NRXN1: variants seen among roughly 807,000 people sequenced by gnomAD.
The protein encoded by NRXN1 is neurexin 1.
NRXN1 carries 39 observed loss-of-function variants against 150.9 expected under a neutral mutation model. That is an observed-to-expected ratio of 0.26 (90% CI 0.20 to 0.34). NRXN1 has a LOEUF of 0.34. NRXN1 is among the 10% of genes least tolerant of loss of function. The pLI is 1.00. For synonymous variants in NRXN1, 924 were observed against 757.0 expected, an observed-to-expected ratio of 1.22 and a Z score of -3.62; for missense variants, 1,815 against 1,949.9, an observed-to-expected ratio of 0.93 and a Z score of 1.30.
intron 17 of NRXN1, among the ~76,000 whole-genome samples, chr2:50,265,012 T>C (rs565911072): frequency 6.6e-6 from 1 of 152,088 alleles, no homozygotes; most frequent in Non-Finnish European, 1.5e-5. Context: ...AAAGCATTAA[T>C]TACATGTAGA....
At chr2:50,068,089 G>C (rs1695636994) in intron 19 of NRXN1, among the ~76,000 whole-genome samples, 1 of 152,134 alleles carries the variant, frequency 6.6e-6, no homozygotes, top group African/African-American at 2.4e-5. Flanking sequence ...AAGTGGAAAA[G>C]AAAAGTCTGA....
chr2:50,585,620 A>G (rs750292209), intron 8 of NRXN1, among the ~76,000 whole-genome samples: 10 of 152,228 alleles, frequency 6.6e-5, no homozygotes, highest in Admixed American at 1.3e-4. Context: ...ATACTTGGCA[A>G]AGTCAATGCA....
chr2:50,747,317 G>A (rs1376180570), intron 5 of NRXN1, among the ~76,000 whole-genome samples: 1 of 152,092 alleles, frequency 6.6e-6, no homozygotes, highest in Non-Finnish European at 1.5e-5. Context: ...GGAATGAGGA[G>A]ATCAGACAAA....
chr2:50,808,139 G>A (rs1667746278), intron 5 of NRXN1, among the ~76,000 whole-genome samples: 1 of 152,022 alleles, frequency 6.6e-6, no homozygotes, highest in African/African-American at 2.4e-5. Flanking sequence ...GATTCTCCAT[G>A]TCAGTTAGTG....
chr2:50,034,690 T>G (rs964794371), intron 21 of NRXN1, among the ~76,000 whole-genome samples: 1 of 152,058 alleles, frequency 6.6e-6, no homozygotes, highest in Non-Finnish European at 1.5e-5. Flanking sequence ...GTAGGTGTTT[T>G]ACAAATATAT....
chr2:50,203,677 G>T (rs1483286061), intron 18 of NRXN1, among the ~76,000 whole-genome samples: 1 of 152,128 alleles, frequency 6.6e-6, no homozygotes, highest in Non-Finnish European at 1.5e-5. Flanking sequence ...TTAACTCTGT[G>T]TCTCAGCTTT....
At chr2:50,247,463 G>A (rs1160150822) in intron 17 of NRXN1, among the ~76,000 whole-genome samples, 1 of 152,092 alleles carries the variant, frequency 6.6e-6, no homozygotes, top group Non-Finnish European at 1.5e-5. Context: ...CCAGTAATGA[G>A]ACATATCAAA....
rs1409209342 is a variant in NRXN1, at chr2:49,936,816, GTACACACACA to G, written c.4216+6878_4216+6887del. On this transcript the variant is annotated intron_variant, in intron 22 of 22. Coordinates refer to ENST00000401669, the MANE Select transcript of NRXN1 (RefSeq NM_001330078.2). ...CTAAAAAACAAAACAAAAAACATAT[GTACACACACA>G]CACACACACACACACATATGAAATA... is the stretch of plus-strand genomic sequence containing the variant. Among the ~76,000 whole-genome samples, 6 of 149,976 alleles carry G rather than the reference GTACACACACA, an allele frequency of 4.0e-5. No individual in the cohort carries two copies. In the East Asian group the frequency reaches 1.2e-3, roughly 30 times the overall value.
Position 50,748,744 on chromosome 2 carries a change from C to T in NRXN1, c.833-125129G>A, listed in dbSNP as rs900335086. Among the ~76,000 whole-genome samples the T allele has an allele frequency of 2.0e-5, 3 of 152,048 alleles. No individual in the cohort carries two copies. In the South Asian group the frequency reaches 6.2e-4, roughly 32 times the overall value. ...CTTAAAACTGGAGTCCCAACTGCCA[C>T]TGACAACTATAAATTCCTGTAGGGC... On this transcript the variant is annotated intron_variant, in intron 5 of 22. Coordinates refer to ENST00000401669, the MANE Select transcript of NRXN1 (RefSeq NM_001330078.2).
intron 18 of NRXN1, among the ~76,000 whole-genome samples, chr2:50,195,986 T>C (rs1324524738): frequency 1.3e-5 from 2 of 152,194 alleles, no homozygotes; most frequent in East Asian, 3.9e-4. Flanking sequence ...TTATTTTAAG[T>C]TCTGGGGTAC....
chr2:50,580,862 C>G (rs879729150), intron 8 of NRXN1, among the ~76,000 whole-genome samples: 2 of 152,016 alleles, frequency 1.3e-5, no homozygotes, highest in South Asian at 4.1e-4. Flanking sequence ...TAAATACATA[C>G]TAATGAAAAT....
intron 5 of NRXN1, among the ~76,000 whole-genome samples, chr2:50,903,315 T>C (rs897131098): frequency 6.6e-6 from 1 of 152,174 alleles, no homozygotes; most frequent in East Asian, 1.9e-4. Flanking sequence ...TTGACCAAAA[T>C]GACTTTTCTT....
At chr2:50,315,633 T>G (rs1475940946) in intron 17 of NRXN1, among the ~76,000 whole-genome samples, 2 of 152,154 alleles carry the variant, frequency 1.3e-5, no homozygotes, top group Admixed American at 6.6e-5. Flanking sequence ...AAGCATCTAC[T>G]TGTAAGCTCA....
intron 2 of NRXN1, among the ~76,000 whole-genome samples, chr2:51,021,285 A>G (rs771212098): frequency 2.6e-5 from 4 of 151,978 alleles, no homozygotes; most frequent in Non-Finnish European, 4.4e-5. Flanking sequence ...CTGAATATCT[A>G]TTGTAAGGCC....
At chr2:50,945,864 C>A (rs1295873632) in intron 2 of NRXN1, among the ~76,000 whole-genome samples, 1 of 139,602 alleles carries the variant, frequency 7.2e-6, no homozygotes, top group Non-Finnish European at 1.5e-5. Context: ...TATGAAAGTA[C>A]TTCAGAAAAA....
intron 5 of NRXN1, among the ~76,000 whole-genome samples, chr2:50,877,339 C>T (rs935087677): frequency 1.3e-5 from 2 of 151,834 alleles, no homozygotes; most frequent in African/African-American, 4.8e-5. Context: ...AGTCTCAGTG[C>T]TTCACAGGCT....
chr2:50,805,053 C>A (rs1466580206), intron 5 of NRXN1, among the ~76,000 whole-genome samples: 1 of 152,122 alleles, frequency 6.6e-6, no homozygotes, highest in East Asian at 1.9e-4. Context: ...TCAAGTAGTG[C>A]CTATCCCAGC....
At chr2:50,092,982 A>C (rs1440110999) in intron 18 of NRXN1, among the ~76,000 whole-genome samples, 1 of 151,926 alleles carries the variant, frequency 6.6e-6, no homozygotes, top group Non-Finnish European at 1.5e-5. Context: ...CTTAAATGAG[A>C]TTCTTTAAAA....
intron 21 of NRXN1, among the ~76,000 whole-genome samples, chr2:50,007,506 T>A (rs1684965478): frequency 6.6e-6 from 1 of 152,092 alleles, no homozygotes; most frequent in African/African-American, 2.4e-5. Context: ...CCTGTGTTAG[T>A]TTGCTGAGAA....
Sources: gnomAD v4.1 joint callset for allele counts (sites outside exome capture counted in the v4.1 genomes callset) on GRCh38, gnomAD v4.1.1 for gene constraint, MANE v1.5 for transcripts, NCBI Gene and HGNC (gene_info 2026-07-23, HGNC 2026-07-21) for gene names.